Variants in DSCAM observed in about 807,000 individuals in gnomAD.
DSCAM encodes the protein DS cell adhesion molecule.
In DSCAM, 47 loss-of-function variants were observed where a neutral mutation model predicts 217.7. That is an observed-to-expected ratio of 0.22 (90% CI 0.17 to 0.28). The LOEUF is 0.28. Among genes scored for constraint, DSCAM ranks in the 10% least tolerant of loss-of-function variants. The pLI, the probability that DSCAM is intolerant of heterozygous loss-of-function variation, is 1.00. For missense variants in DSCAM, 2,080 were observed against 2,618.3 expected, an observed-to-expected ratio of 0.79 and a Z score of 4.49; for synonymous variants, 1,056 against 1,015.3, an observed-to-expected ratio of 1.04 and a Z score of -0.76.
Position 40,222,412 on chromosome 21 carries a change from T to A in DSCAM, c.2357-33174A>T, listed in dbSNP as rs529077063. ...GGTAGGAAAAGGCTGTTGATATGGTTTTTGGTTCTGCATGGGAATTAATCT... is the reference window on the plus strand; with the variant it reads ...GGTAGGAAAAGGCTGTTGATATGGTATTTGGTTCTGCATGGGAATTAATCT... On this transcript the variant is annotated intron_variant, in intron 11 of 32. Transcript: ENST00000400454. 5.3e-5 allele frequency among the ~76,000 whole-genome samples: 8 copies of A among 152,320 alleles called. No individual in the cohort carries two copies. In the South Asian group the frequency reaches 1.0e-3, roughly 20 times the overall value.
chr21:40,391,323 A>G (rs745490697), intron 3 of DSCAM, among the ~76,000 whole-genome samples: 24 of 152,200 alleles, frequency 1.6e-4, no homozygotes, highest in Non-Finnish European at 1.9e-4. Context: ...ACAAACATAT[A>G]GAAATCTGGA....
chr21:40,344,135 G>A (rs1338489302), intron 6 of DSCAM, among the ~76,000 whole-genome samples: 1 of 152,126 alleles, frequency 6.6e-6, no homozygotes, highest in South Asian at 2.1e-4. Context: ...CTGACCTCGA[G>A]TGAGCCGCCT....
At chr21:40,220,955 T>C (rs1290864647) in intron 11 of DSCAM, among the ~76,000 whole-genome samples, 1 of 152,216 alleles carries the variant, frequency 6.6e-6, no homozygotes, top group African/African-American at 2.4e-5. Flanking sequence ...TTTAATTTCA[T>C]TAATCTCTGA....
At position 40,365,245 on chromosome 21, in the gene DSCAM, A is replaced by G. The variant is rs533204212; in HGVS notation, c.655+3854T>C. On this transcript the variant is annotated intron_variant, in intron 4 of 32. Coordinates refer to ENST00000400454, the MANE Select transcript of DSCAM (RefSeq NM_001389.5). ...CCCTCAATCTGGGTGGGCACCATTAATCAACTGCCAGTATGGCTAGGATAA... is the reference window on the plus strand; with the variant it reads ...CCCTCAATCTGGGTGGGCACCATTAGTCAACTGCCAGTATGGCTAGGATAA... 3.9e-5 allele frequency among the ~76,000 whole-genome samples: 6 copies of G among 152,252 alleles called. No homozygotes were observed. The South Asian group carries it at 1.2e-3, about 32-fold the overall frequency.
At chr21:40,208,671 A>G (rs2837505) in intron 11 of DSCAM, among the ~76,000 whole-genome samples, 9,387 of 152,274 alleles carry the variant, frequency 0.062, 458 homozygotes, top group East Asian at 0.13. Flanking sequence ...ATGTGAAGGA[A>G]CATTTTGAGT....
At chr21:40,227,021 T>C (rs906227083) in intron 11 of DSCAM, among the ~76,000 whole-genome samples, 11 of 152,172 alleles carry the variant, frequency 7.2e-5, no homozygotes, top group Admixed American at 7.2e-4. Context: ...GTCCCTCCGT[T>C]AGTTTGCTAA....
At chr21:40,605,205 C>A (rs1408568998) in intron 3 of DSCAM, among the ~76,000 whole-genome samples, 2 of 152,168 alleles carry the variant, frequency 1.3e-5, no homozygotes, top group African/African-American at 4.8e-5. Flanking sequence ...ATTGAACTTA[C>A]CATTTACGTG....
At chr21:40,234,305 C>T (rs1334100029) in intron 11 of DSCAM, among the ~76,000 whole-genome samples, 3 of 152,178 alleles carry the variant, frequency 2.0e-5, no homozygotes, top group African/African-American at 7.2e-5. Context: ...AGTTCTGCAA[C>T]TTTGGACAAG....
At chr21:40,211,398 C>T (rs114016581) in intron 11 of DSCAM, among the ~76,000 whole-genome samples, 169 of 152,252 alleles carry the variant, frequency 1.1e-3, no homozygotes, top group African/African-American at 3.9e-3. Flanking sequence ...GGGATAAATG[C>T]TTAAGAGAAC....
intron 20 of DSCAM, among the ~76,000 whole-genome samples, chr21:40,101,823 T>C (rs1434811028): frequency 6.6e-6 from 1 of 151,964 alleles, no homozygotes. Context: ...GCCTTCAAAG[T>C]ATGGAGGTCT....
chr21:40,296,410 T>C (rs770098646), intron 9 of DSCAM, among the ~76,000 whole-genome samples: 9 of 152,176 alleles, frequency 5.9e-5, no homozygotes, highest in Non-Finnish European at 1.3e-4. Flanking sequence ...CCCTTTGAAC[T>C]AGGGAAAACT....
At position 40,134,919 on chromosome 21, in the gene DSCAM, C is replaced by T. The variant is rs1213833966; in HGVS notation, c.3407-910G>A. Among the ~76,000 whole-genome samples the T allele has an allele frequency of 5.3e-5, 8 of 152,268 alleles. No individual in the cohort carries two copies. In the South Asian group the frequency reaches 1.7e-3, roughly 32 times the overall value. On this transcript the variant is annotated intron_variant, in intron 18 of 32. Transcript: ENST00000400454. ...AGCTTCAATCCTGAAGTGACATGCCCATGTGTCAGAAACTTGGTGTCAGCT... is the reference window on the plus strand; with the variant it reads ...AGCTTCAATCCTGAAGTGACATGCCTATGTGTCAGAAACTTGGTGTCAGCT...
At chr21:40,013,944 A>C (rs941112441) in intron 32 of DSCAM, among the ~76,000 whole-genome samples, 1 of 152,238 alleles carries the variant, frequency 6.6e-6, no homozygotes, top group African/African-American at 2.4e-5. Flanking sequence ...GGCCCTGCCT[A>C]CCTGCTAACT....
chr21:40,169,162 G>T (rs963727182), intron 15 of DSCAM, among the ~76,000 whole-genome samples: 1 of 152,134 alleles, frequency 6.6e-6, no homozygotes, highest in African/African-American at 2.4e-5. Flanking sequence ...ATACCTCTGG[G>T]ATGGGAGGAG....
At chr21:40,134,116 A>G in intron 18 of DSCAM, 107 bp from the exon 19 acceptor site, 1 of 1,395,370 alleles carries the variant, frequency 7.2e-7, no homozygotes, top group Non-Finnish European at 9.6e-7. Context: ...TCACCCGTCC[A>G]GCCATCATCT....
At chr21:40,666,864 C>T (rs986628762) in intron 3 of DSCAM, among the ~76,000 whole-genome samples, 1 of 152,238 alleles carries the variant, frequency 6.6e-6, no homozygotes, top group African/African-American at 2.4e-5. Flanking sequence ...CCAAAAGCCA[C>T]TGTGGCTGGT....
At chr21:40,710,633 C>T (rs112647855) in intron 1 of DSCAM, among the ~76,000 whole-genome samples, 1,969 of 152,220 alleles carry the variant, frequency 0.013, 38 homozygotes, top group African/African-American at 0.044. Flanking sequence ...TGTTCATACA[C>T]ATTTGGCTTT....
At chr21:40,479,000 A>G (rs1175288115) in intron 3 of DSCAM, among the ~76,000 whole-genome samples, 1 of 152,210 alleles carries the variant, frequency 6.6e-6, no homozygotes, top group Non-Finnish European at 1.5e-5. Context: ...GTATTTTCAG[A>G]CCATGGTTGA....
Position 40,317,014 on chromosome 21 carries a change from C to T in DSCAM, c.1784-4655G>A, listed in dbSNP as rs1264373470. ...TCTTGATCCAGTTTATTTAGCTCTG[C>T]GATTCTATCTCTTCATGTGTAACGA... is the stretch of plus-strand genomic sequence containing the variant. On this transcript the variant is annotated intron_variant, in intron 8 of 32. Transcript: ENST00000400454. 3.3e-5 allele frequency among the ~76,000 whole-genome samples: 5 copies of T among 152,244 alleles called. No individual in the cohort carries two copies. The East Asian group carries it at 7.7e-4, about 24-fold the overall frequency.
Sources: allele counts gnomAD v4.1 joint callset (sites outside exome capture counted in the v4.1 genomes callset), GRCh38; gene constraint gnomAD v4.1.1; transcripts MANE v1.5; gene names NCBI Gene and HGNC (gene_info 2026-07-23, HGNC 2026-07-21).